JMJD1C: variants seen among roughly 807,000 people sequenced by gnomAD.
The protein encoded by JMJD1C is jumonji domain containing 1C.
Under a neutral mutation model 245.3 loss-of-function variants are expected in JMJD1C, and 31 were observed. The observed-to-expected ratio is 0.13, with a 90% CI of 0.09 to 0.17. JMJD1C has a LOEUF of 0.17. Among genes scored for constraint, JMJD1C ranks in the 10% least tolerant of loss-of-function variants. JMJD1C has a pLI of 1.00. For synonymous variants in JMJD1C, 1,057 were observed against 1,017.4 expected (o/e 1.04, Z -0.74); for missense variants, 2,691 against 3,000.2 (o/e 0.90, Z 2.41).
intron 13 of JMJD1C, chr10:63,194,609 T>C: frequency 2.4e-6 from 1 of 409,908 alleles, no homozygotes; most frequent in South Asian, 3.6e-5. Context: ...ATAAAAACAC[T>C]GACACAAAAT....
intron 3 of JMJD1C, among the ~76,000 whole-genome samples, chr10:63,245,405 A>G (rs1852063092): frequency 6.6e-6 from 1 of 150,754 alleles, no homozygotes; most frequent in African/African-American, 2.4e-5. Flanking sequence ...ATTATGGCAG[A>G]AGGCAAGGAG....
At chr10:63,503,067 TA>T (rs1287035658) in intron 1 of JMJD1C, among the ~76,000 whole-genome samples, 1 of 152,330 alleles carries the variant, frequency 6.6e-6, no homozygotes, top group South Asian at 2.1e-4. Flanking sequence ...ATGATCCATG[TA>T]AAAAAGCTTA....
At chr10:63,284,635 ACAT>A (rs1857764102) in intron 2 of JMJD1C, among the ~76,000 whole-genome samples, 1 of 152,198 alleles carries the variant, frequency 6.6e-6, no homozygotes, top group African/African-American at 2.4e-5. Flanking sequence ...GGTGACAAAA[ACAT>A]CATTAAACTT....
chr10:63,204,484 C>A, intron 10 of JMJD1C: 1 of 985,196 alleles, frequency 1.0e-6, no homozygotes, highest in Non-Finnish European at 1.2e-6. Context: ...CTGGAAGGTA[C>A]CTATCTTTTG....
chr10:63,214,650 G>C lies in JMJD1C; in HGVS notation c.1517C>G (p.Pro506Arg). 6.2e-7 allele frequency: 1 copy of C among 1,614,036 alleles called. No homozygotes were observed. ...KEKFVSRPPTPKCVIDITNDT... is the reference protein window; with the variant it reads ...KEKFVSRPPTRKCVIDITNDT... ...ATTTGTAATATCAATAACACATTTTGGTGTGGGTGGTCTGGATACAAACTT... is the reference window on the plus strand; with the variant it reads ...ATTTGTAATATCAATAACACATTTTCGTGTGGGTGGTCTGGATACAAACTT... Residue 506 changes from proline to arginine, a missense_variant, in exon 8 of 26, where the codon CCA becomes CGA. Around this residue, in one of 9 missense-constraint regions of JMJD1C, gnomAD observed 1,562 missense variants for 1,490.7 expected, o/e 1.05. Coordinates refer to ENST00000399262, the MANE Select transcript of JMJD1C (RefSeq NM_032776.3).
chr10:63,477,990 TA>T (rs1446169693), intron 1 of JMJD1C, among the ~76,000 whole-genome samples: 4 of 152,192 alleles, frequency 2.6e-5, no homozygotes, highest in Non-Finnish European at 5.9e-5. Flanking sequence ...TCAACATCAT[TA>T]ATTATCAGGG....
chr10:63,396,828 G>A (rs1208891353), intron 1 of JMJD1C, among the ~76,000 whole-genome samples: 1 of 150,768 alleles, frequency 6.6e-6, no homozygotes, highest in East Asian at 1.9e-4. Context: ...ATTTAAAAAA[G>A]GAAAGTAACA....
intron 3 of JMJD1C, among the ~76,000 whole-genome samples, chr10:63,256,031 G>A (rs1424605230): frequency 6.6e-6 from 1 of 152,080 alleles, no homozygotes; most frequent in South Asian, 2.1e-4. Flanking sequence ...GAGTCTACAA[G>A]CATAATTTCA....
At chr10:63,420,004 C>T (rs1050275731) in intron 1 of JMJD1C, among the ~76,000 whole-genome samples, 2 of 151,644 alleles carry the variant, frequency 1.3e-5, no homozygotes, top group South Asian at 2.1e-4. Context: ...GGCATGATGG[C>T]GCGCGCCTGG....
rs2133055382 is a variant in JMJD1C, at chr10:63,197,503, G to A, written c.5552C>T (p.Ala1851Val). 6.2e-7 allele frequency: 1 copy of A among 1,608,258 alleles called. No homozygotes were observed. Among genetic ancestry groups the A allele is most frequent in the East Asian group, 2.2e-5 (1 of 44,680 alleles). ...GACCCAGTGAATGTTAAACAATGTT[G>A]CTTCACATGCATCACACATCTCCCG... ...GVREMCDACE[A>V]TLFNIHWVCQ... Residue 1851 changes from alanine to valine, a missense_variant, in exon 13 of 26, where the codon GCA (alanine) becomes GTA (valine). Coordinates refer to ENST00000399262, the MANE Select transcript of JMJD1C (RefSeq NM_032776.3).
chr10:63,498,492 T>G (rs975171615), intron 1 of JMJD1C, among the ~76,000 whole-genome samples: 1 of 152,196 alleles, frequency 6.6e-6, no homozygotes, highest in Non-Finnish European at 1.5e-5. Flanking sequence ...TGTTAAATTA[T>G]ATTTAATTTT....
chr10:63,429,139 C>A (rs1444794032), intron 1 of JMJD1C, among the ~76,000 whole-genome samples: 1 of 152,136 alleles, frequency 6.6e-6, no homozygotes, highest in African/African-American at 2.4e-5. Flanking sequence ...CACAACCACA[C>A]CTGCCTAATT....
chr10:63,385,189 G>T lies in JMJD1C; in HGVS notation c.169-4707C>A, dbSNP rs527537791. ...GGATTAAGTTTGCCTTCTTATACGG[G>T]TGTGGCTTCTGGTGCCCAAAACAAT... On this transcript the variant is annotated intron_variant, in intron 1 of 25. Coordinates refer to ENST00000399262, the MANE Select transcript of JMJD1C (RefSeq NM_032776.3). 5.3e-5 allele frequency among the ~76,000 whole-genome samples: 8 copies of T among 152,228 alleles called. No individual in the cohort carries two copies. The East Asian group carries it at 7.7e-4, about 15-fold the overall frequency.
chr10:63,268,056 G>C (rs545408800), intron 2 of JMJD1C, among the ~76,000 whole-genome samples: 100 of 151,550 alleles, frequency 6.6e-4, no homozygotes, highest in African/African-American at 2.2e-3. Context: ...GAAATTCAAG[G>C]AGCTTATGTC....
intron 2 of JMJD1C, among the ~76,000 whole-genome samples, chr10:63,324,430 A>G (rs141448118): frequency 5.1e-4 from 78 of 152,320 alleles, no homozygotes; most frequent in African/African-American, 1.7e-3. Context: ...GTACAAAGTT[A>G]GGCCCTTGCT....
chr10:63,283,646 C>T (rs1857654111), intron 2 of JMJD1C, among the ~76,000 whole-genome samples: 1 of 152,118 alleles, frequency 6.6e-6, no homozygotes, highest in Admixed American at 6.5e-5. Flanking sequence ...GGATTACAGG[C>T]GTGAGCCACT....
At position 63,186,330 on chromosome 10, in the gene JMJD1C, C is replaced by T. The variant is rs376902848; in HGVS notation, c.6624G>A (p.Ala2208=). Residue 2208 remains alanine (A), a synonymous_variant, in exon 19 of 26, where the codon GCG becomes GCA. Coordinates refer to ENST00000399262, the MANE Select transcript of JMJD1C (RefSeq NM_032776.3). ...CTCCAAAATCAAGACTAATTGATTC[C>T]GCCTTCCATAGGCTAATGTTCATTT... ...HKKMNISLWK[A]ESISLDFGDH... The T allele has an allele frequency of 5.7e-5, 92 of 1,612,930 alleles. 1 individual carries two copies. In the South Asian group the frequency reaches 9.0e-4, roughly 16 times the overall value.
intron 1 of JMJD1C, among the ~76,000 whole-genome samples, chr10:63,420,365 A>T (rs1414358567): frequency 2.6e-5 from 4 of 152,060 alleles, no homozygotes; most frequent in Non-Finnish European, 2.9e-5. Context: ...TAAAGGGGAA[A>T]ATCTAAAGGC....
rs1361469911 is a variant in JMJD1C at position 63,418,969 on chromosome 10, C to T, written c.169-38487G>A. 2.0e-5 allele frequency among the ~76,000 whole-genome samples: 3 copies of T among 150,630 alleles called. No individual in the cohort carries two copies. The Admixed American group carries it at 2.0e-4, about 10-fold the overall frequency. ...GCACGCGCCTGTAGCCCCAGCTACTCAGAAGGCTGAGGCAGGAGAATCGCC... is the reference window on the plus strand; with the variant it reads ...GCACGCGCCTGTAGCCCCAGCTACTTAGAAGGCTGAGGCAGGAGAATCGCC... On this transcript the variant is annotated intron_variant, in intron 1 of 25. Transcript: ENST00000399262.
Sources: allele counts gnomAD v4.1 joint callset (sites outside exome capture counted in the v4.1 genomes callset), GRCh38; gene constraint gnomAD v4.1.1; regional missense constraint gnomAD v4.1.1; transcripts MANE v1.5; gene names NCBI Gene and HGNC (gene_info 2026-07-23, HGNC 2026-07-21).